PLPPR5: variants seen among roughly 807,000 people sequenced by gnomAD.
PLPPR5 encodes phospholipid phosphatase related 5.
Under a neutral mutation model 33.9 loss-of-function variants are expected in PLPPR5, and 16 were observed. That is an observed-to-expected ratio of 0.47 (90% CI 0.32 to 0.72). PLPPR5 has a LOEUF of 0.72. Among genes scored for constraint, PLPPR5 ranks in the 30% least tolerant of loss-of-function variants. PLPPR5 has a pLI of 0.03. For missense variants in PLPPR5, 301 were observed against 406.7 expected, an observed-to-expected ratio of 0.74 and a Z score of 2.23; for synonymous variants, 163 against 150.3, an observed-to-expected ratio of 1.08 and a Z score of -0.62.
chr1:98,942,106 C>T (rs909055961), intron 3 of PLPPR5, among the ~76,000 whole-genome samples: 3 of 148,104 alleles, frequency 2.0e-5, no homozygotes, highest in African/African-American at 7.3e-5. Context: ...AAGTCTCGCT[C>T]TGTCGCCCAG....
intron 1 of PLPPR5, among the ~76,000 whole-genome samples, chr1:98,986,910 T>A (rs1652282752): frequency 6.6e-6 from 1 of 151,880 alleles, no homozygotes; most frequent in African/African-American, 2.4e-5. Flanking sequence ...GATTCTCTGC[T>A]ATCAAGATGA....
chr1:98,934,810 C>G (rs1242272844), intron 3 of PLPPR5, among the ~76,000 whole-genome samples: 1 of 152,074 alleles, frequency 6.6e-6, no homozygotes, highest in African/African-American at 2.4e-5. Context: ...GGCAAAACTT[C>G]CTGTAGGGGC....
chr1:98,919,617 C>T (rs1182384467), intron 4 of PLPPR5, among the ~76,000 whole-genome samples: 1 of 152,174 alleles, frequency 6.6e-6, no homozygotes, highest in Non-Finnish European at 1.5e-5. Context: ...AACCATTCCA[C>T]CTCCTAAATA....
chr1:98,988,265 G>T (rs1652330139), intron 1 of PLPPR5, among the ~76,000 whole-genome samples: 1 of 152,038 alleles, frequency 6.6e-6, no homozygotes, highest in African/African-American at 2.4e-5. Context: ...AGCCTATGTG[G>T]TCAATCTCTA....
chr1:98,966,042 C>T (rs554791461), intron 1 of PLPPR5, among the ~76,000 whole-genome samples: 1 of 152,146 alleles, frequency 6.6e-6, no homozygotes, highest in Non-Finnish European at 1.5e-5. Context: ...TTATTTGTTA[C>T]AGAAACTGGA....
chr1:98,980,294 AC>A (rs1272275763), intron 1 of PLPPR5, among the ~76,000 whole-genome samples: 1 of 151,980 alleles, frequency 6.6e-6, no homozygotes, highest in Non-Finnish European at 1.5e-5. Context: ...TCCTTTGCAA[AC>A]TTTTATGTGT....
Position 98,891,987 on chromosome 1 carries a change from T to C in PLPPR5, c.*1085A>G, listed in dbSNP as rs1165866102. On this transcript the variant is annotated 3_prime_UTR_variant, in exon 6 of 6. Coordinates refer to ENST00000263177, the MANE Select transcript of PLPPR5 (RefSeq NM_001037317.2). Reference sequence around the variant, plus strand: ...TACCCTGTCTTGGCTTCATTTTTCTTATCTATAAAAATAAAGCCATACCCT... The same window carrying C: ...TACCCTGTCTTGGCTTCATTTTTCTCATCTATAAAAATAAAGCCATACCCT... 4 of 152,104 alleles carry C rather than the reference T, an allele frequency of 2.6e-5. No individual in the cohort carries two copies. Among genetic ancestry groups the C allele is most frequent in the Non-Finnish European group, 5.9e-5 (4 of 68,004 alleles). The allele number at this position is 152,104 out of a possible 1,614,324, so 9.4% of individuals were successfully genotyped here.
At chr1:98,937,338 T>C (rs924883600) in intron 3 of PLPPR5, among the ~76,000 whole-genome samples, 3 of 152,234 alleles carry the variant, frequency 2.0e-5, no homozygotes, top group African/African-American at 7.2e-5. Flanking sequence ...CTTGCATTCT[T>C]GAATCTTCCC....
chr1:98,934,632 A>G (rs917893528), intron 3 of PLPPR5, among the ~76,000 whole-genome samples: 4 of 152,204 alleles, frequency 2.6e-5, no homozygotes, highest in African/African-American at 9.7e-5. Context: ...TATAAAAGAC[A>G]AGTAAGAATA....
rs565226243 is a variant in PLPPR5, at chr1:98,975,163, T to C, written c.238-18422A>G. 2.0e-5 allele frequency among the ~76,000 whole-genome samples: 3 copies of C among 152,214 alleles called. No individual in the cohort carries two copies. The South Asian group carries it at 6.2e-4, about 32-fold the overall frequency. On this transcript the variant is annotated intron_variant, in intron 1 of 5. Coordinates refer to ENST00000263177, the MANE Select transcript of PLPPR5 (RefSeq NM_001037317.2). Reference sequence around the variant, plus strand: ...GAATCGTCAGGAGAGTCTACCCTTCTATGCCTTGACTGCGTCCGTGCCTCA... The same window carrying C: ...GAATCGTCAGGAGAGTCTACCCTTCCATGCCTTGACTGCGTCCGTGCCTCA...
intron 3 of PLPPR5, among the ~76,000 whole-genome samples, chr1:98,933,422 G>A (rs1261865079): frequency 6.8e-6 from 1 of 147,926 alleles, no homozygotes; most frequent in African/African-American, 2.5e-5. Context: ...GGCGGAGCTT[G>A]CAGTGAGTTG....
rs548331542 is a variant in PLPPR5 at position 98,922,924 on chromosome 1, G to T, written c.622-866C>A. 3.3e-5 allele frequency among the ~76,000 whole-genome samples: 5 copies of T among 152,202 alleles called. No individual in the cohort carries two copies. In the South Asian group the frequency reaches 1.0e-3, roughly 32 times the overall value. ...GGCATGAACCCAGAAGGCGGAGCTT[G>T]CAGTGAGCTGAGATCGTGCCACTGC... On this transcript the variant is annotated intron_variant, in intron 3 of 5. Transcript: ENST00000263177.
intron 1 of PLPPR5, among the ~76,000 whole-genome samples, chr1:98,980,256 G>A (rs1047360862): frequency 9.9e-5 from 15 of 152,176 alleles, no homozygotes; most frequent in African/African-American, 3.6e-4. Context: ...TTCTTGCCAT[G>A]CCATTAACAT....
At chr1:98,944,517 T>C (rs1570720636) in intron 3 of PLPPR5, among the ~76,000 whole-genome samples, 1 of 152,356 alleles carries the variant, frequency 6.6e-6, no homozygotes. Flanking sequence ...AGACACCATG[T>C]ATGAACCAGA....
chr1:98,987,463 T>A (rs891090882), intron 1 of PLPPR5, among the ~76,000 whole-genome samples: 1 of 152,036 alleles, frequency 6.6e-6, no homozygotes, highest in South Asian at 2.1e-4. Flanking sequence ...AGAAATACCA[T>A]ATTTCCCTAT....
chr1:98,971,415 A>G (rs1049943476), intron 1 of PLPPR5, among the ~76,000 whole-genome samples: 2 of 152,028 alleles, frequency 1.3e-5, no homozygotes, highest in South Asian at 4.1e-4. Context: ...AAAAAAAAGT[A>G]TGACTACACT....
chr1:98,964,417 T>C (rs896248826), intron 1 of PLPPR5, among the ~76,000 whole-genome samples: 4 of 152,096 alleles, frequency 2.6e-5, no homozygotes, highest in African/African-American at 7.2e-5. Context: ...GGGCCTCCCA[T>C]GGATCAGCCT....
chr1:98,962,383 C>G (rs1228054555), intron 1 of PLPPR5, among the ~76,000 whole-genome samples: 9 of 152,166 alleles, frequency 5.9e-5, no homozygotes, highest in Non-Finnish European at 1.5e-5. Context: ...TTCTTATTAA[C>G]TATAGTCACC....
chr1:98,997,437 T>C (rs1652671477), intron 1 of PLPPR5, among the ~76,000 whole-genome samples: 1 of 152,138 alleles, frequency 6.6e-6, no homozygotes, highest in African/African-American at 2.4e-5. Context: ...ATTAATATGA[T>C]ACACGACATA....
Sources: allele counts gnomAD v4.1 joint callset (sites outside exome capture counted in the v4.1 genomes callset), GRCh38; gene constraint gnomAD v4.1.1; transcripts MANE v1.5; gene names NCBI Gene and HGNC (gene_info 2026-07-23, HGNC 2026-07-21).